LYPLAL1: variants seen among roughly 807,000 people sequenced by gnomAD.
The protein encoded by LYPLAL1 is lysophospholipase-like protein 1.
LYPLAL1 carries 23 observed loss-of-function variants against 19.7 expected under a neutral mutation model. The ratio of observed to expected loss-of-function variants is 1.17; its 90% CI spans 0.84 to 1.65. The LOEUF (loss-of-function observed/expected upper bound fraction) is 1.65, where lower values mean the gene tolerates loss of function less well. Among genes scored for constraint, LYPLAL1 ranks in the 40% most tolerant of loss-of-function variants. LYPLAL1 has a pLI of 0.00. For synonymous variants in LYPLAL1, 119 were observed against 96.3 expected, an observed-to-expected ratio of 1.24 and a Z score of -1.38; for missense variants, 355 against 279.4, an observed-to-expected ratio of 1.27 and a Z score of -1.93.
the LYPLAL1 span, among the ~76,000 whole-genome samples, chr1:219,258,311 TTAAAG>T: frequency 6.6e-6 from 1 of 151,988 alleles, no homozygotes; most frequent in African/African-American, 2.4e-5. Flanking sequence ...GATTAAGAGA[TTAAAG>T]TAATTTCTTA....
At chr1:219,204,990 G>A (rs1193292599) in intron 3 of LYPLAL1, among the ~76,000 whole-genome samples, 3 of 152,146 alleles carry the variant, frequency 2.0e-5, no homozygotes, top group Non-Finnish European at 4.4e-5. Context: ...CTACACTGGA[G>A]TAATTTACGT....
the LYPLAL1 span, among the ~76,000 whole-genome samples, chr1:219,246,108 A>G: frequency 5.3e-5 from 8 of 152,098 alleles, no homozygotes; most frequent in Non-Finnish European, 1.2e-4. Context: ...ACTTCTGTTC[A>G]CATAGCAATC....
At chr1:219,224,090 G>T in the LYPLAL1 span, among the ~76,000 whole-genome samples, 1 of 152,078 alleles carries the variant, frequency 6.6e-6, no homozygotes, top group Non-Finnish European at 1.5e-5. Flanking sequence ...TTTTGCCAAT[G>T]AAATTACTGA....
At chr1:219,319,809 A>G in the LYPLAL1 span, among the ~76,000 whole-genome samples, 1 of 152,212 alleles carries the variant, frequency 6.6e-6, no homozygotes, top group African/African-American at 2.4e-5. Context: ...CCTTCATAAA[A>G]TGAAAACTCT....
the LYPLAL1 span, among the ~76,000 whole-genome samples, chr1:219,325,338 G>C: frequency 1.3e-5 from 2 of 151,860 alleles, no homozygotes; most frequent in Non-Finnish European, 2.9e-5. Context: ...TTTCCCCTTC[G>C]CTACAACATT....
the LYPLAL1 span, among the ~76,000 whole-genome samples, chr1:219,306,086 T>C: frequency 6.6e-6 from 1 of 152,214 alleles, no homozygotes; most frequent in Non-Finnish European, 1.5e-5. Context: ...TGTAATTTAG[T>C]TCACATCAAT....
At chr1:219,306,799 T>TA in the LYPLAL1 span, among the ~76,000 whole-genome samples, 140 of 147,018 alleles carry the variant, frequency 9.5e-4, no homozygotes, top group East Asian at 6.6e-3. Flanking sequence ...CATAGACAGA[T>TA]GCATAGATAG....
At chr1:219,290,730 G>A in the LYPLAL1 span, among the ~76,000 whole-genome samples, 7 of 151,962 alleles carry the variant, frequency 4.6e-5, no homozygotes, top group Admixed American at 1.3e-4. Flanking sequence ...CTGTGGACTC[G>A]CCCCAAATTC....
At chr1:219,444,005 G>A in the LYPLAL1 span, among the ~76,000 whole-genome samples, 1 of 152,128 alleles carries the variant, frequency 6.6e-6, no homozygotes, top group Non-Finnish European at 1.5e-5. Flanking sequence ...TGGGTTTTGG[G>A]AGGAAACCAG....
At chr1:219,274,426 C>G in the LYPLAL1 span, among the ~76,000 whole-genome samples, 1 of 152,168 alleles carries the variant, frequency 6.6e-6, no homozygotes. Context: ...TGCTCTGTCT[C>G]CCACACTGGA....
chr1:219,177,492 A>G (rs1280480626), intron 1 of LYPLAL1, among the ~76,000 whole-genome samples: 1 of 151,216 alleles, frequency 6.6e-6, no homozygotes, highest in African/African-American at 2.5e-5. Flanking sequence ...AAGACCTTGT[A>G]TGCATTACAA....
chr1:219,231,221 G>A, the LYPLAL1 span, among the ~76,000 whole-genome samples: 1 of 152,158 alleles, frequency 6.6e-6, no homozygotes, highest in Non-Finnish European at 1.5e-5. Flanking sequence ...TGCATACATG[G>A]AGATGAGATC....
At chr1:219,330,515 A>G in the LYPLAL1 span, among the ~76,000 whole-genome samples, 1 of 152,198 alleles carries the variant, frequency 6.6e-6, no homozygotes, top group Non-Finnish European at 1.5e-5. Context: ...AACCTAAGTT[A>G]CATTTCAAAC....
chr1:219,232,330 A>T, the LYPLAL1 span, among the ~76,000 whole-genome samples: 1 of 141,910 alleles, frequency 7.0e-6, no homozygotes, highest in African/African-American at 2.7e-5. Flanking sequence ...ATATATGCAT[A>T]CTTTTTAAAA....
chr1:219,443,099 GAACA>G, the LYPLAL1 span, among the ~76,000 whole-genome samples: 1 of 148,242 alleles, frequency 6.7e-6, no homozygotes, highest in Non-Finnish European at 1.5e-5. Flanking sequence ...AAAAAAAAAT[GAACA>G]AATGGAAAAT....
the LYPLAL1 span, among the ~76,000 whole-genome samples, chr1:219,361,054 T>C: frequency 6.6e-6 from 1 of 152,326 alleles, no homozygotes. Context: ...AAAAGACATG[T>C]TTCTCTCATA....
the LYPLAL1 span, among the ~76,000 whole-genome samples, chr1:219,301,294 G>T: frequency 6.6e-6 from 1 of 152,122 alleles, no homozygotes; most frequent in Non-Finnish European, 1.5e-5. Flanking sequence ...AGTAATCTAA[G>T]AAAACAGGTA....
the LYPLAL1 span, among the ~76,000 whole-genome samples, chr1:219,425,493 T>G: frequency 1.5e-4 from 23 of 152,304 alleles, no homozygotes; most frequent in South Asian, 4.6e-3. Context: ...TTTAAAATCA[T>G]ATATTTTTCT....
At chr1:219,210,381 CTT>C in intron 3 of LYPLAL1, 149 bp from the exon 4 acceptor site, 3 of 502,494 alleles carry the variant, frequency 6.0e-6, no homozygotes, top group Non-Finnish European at 1.0e-5. Context: ...TATCGCAGGC[CTT>C]TGTCTGTGAA....
Sources: gnomAD v4.1 joint callset for allele counts (sites outside exome capture counted in the v4.1 genomes callset) on GRCh38, gnomAD v4.1.1 for gene constraint, MANE v1.5 for transcripts, NCBI Gene and HGNC (gene_info 2026-07-23, HGNC 2026-07-21) for gene names.